Variants in CHSY3 observed in about 807,000 individuals in gnomAD.
CHSY3 encodes N-acetylgalactosaminyl-proteoglycan 3-beta-glucuronosyltransferase 3.
CHSY3 carries 35 observed loss-of-function variants against 67.2 expected under a neutral mutation model. That is an observed-to-expected ratio of 0.52 (90% CI 0.40 to 0.69). The LOEUF (loss-of-function observed/expected upper bound fraction) is 0.69. Among genes scored for constraint, CHSY3 ranks in the 30% least tolerant of loss-of-function variants. The probability of loss-of-function intolerance (pLI) is 0.00; values close to 1 mark genes in which losing one functional copy is unlikely to be tolerated. For missense variants in CHSY3, 1,069 were observed against 1,138.5 expected (o/e 0.94, Z 0.88); for synonymous variants, 474 against 434.7 (o/e 1.09, Z -1.12).
At position 129,905,398 on chromosome 5, in the gene CHSY3, C is replaced by T; in HGVS notation, c.569C>T (p.Ala190Val). The change falls in exon 1 of 3, where the codon GCC (alanine) becomes GTC (valine). Residue 190 changes from alanine (A) to valine (V), a missense_variant. Transcript: ENST00000305031. The part of the protein sequence containing the change: ...AQKYLGSRAL[A>V]AQRTWARFIP... Reference sequence around the variant, plus strand: ...AAGTACCTGGGCAGCCGCGCGCTGGCCGCGCAGCGGACCTGGGCGCGTTTC... The same window carrying T: ...AAGTACCTGGGCAGCCGCGCGCTGGTCGCGCAGCGGACCTGGGCGCGTTTC... 1 of 1,605,680 alleles carries T rather than the reference C, an allele frequency of 6.2e-7. No individual in the cohort carries two copies.
At chr5:130,147,887 G>A (rs1191501311) in intron 2 of CHSY3, among the ~76,000 whole-genome samples, 1 of 152,174 alleles carries the variant, frequency 6.6e-6, no homozygotes, top group African/African-American at 2.4e-5. Flanking sequence ...AAGGGAACAT[G>A]TGCAGGTTTG....
At chr5:130,047,791 A>T (rs1416981198) in intron 2 of CHSY3, among the ~76,000 whole-genome samples, 1 of 152,078 alleles carries the variant, frequency 6.6e-6, no homozygotes, top group African/African-American at 2.4e-5. Context: ...AATCAAATCA[A>T]ATACTATCAT....
rs995334834 is a variant in CHSY3 at position 129,905,647 on chromosome 5, C to A, written c.802+16C>A. 4 of 1,608,926 alleles carry A rather than the reference C, an allele frequency of 2.5e-6. No individual in the cohort carries two copies. The highest frequency in any genetic ancestry group is 3.4e-6 in the Non-Finnish European group (4 of 1,176,988). ...TACATCAAAGGTGACCTCCCTGCGC[C>A]GGCTTTCCAGCCTGCCAGTCTCCCC... On this transcript the variant is annotated intron_variant, in intron 1 of 2. Coordinates refer to ENST00000305031, the MANE Select transcript of CHSY3 (RefSeq NM_175856.5).
At chr5:129,997,557 C>T (rs559989199) in intron 2 of CHSY3, among the ~76,000 whole-genome samples, 17 of 151,860 alleles carry the variant, frequency 1.1e-4, no homozygotes, top group East Asian at 3.9e-4. Context: ...GTGCACAATG[C>T]GCAGGTTTGT....
chr5:130,023,599 A>G (rs1764453493), intron 2 of CHSY3, among the ~76,000 whole-genome samples: 1 of 152,068 alleles, frequency 6.6e-6, no homozygotes, highest in Non-Finnish European at 1.5e-5. Flanking sequence ...AGAGCTAATC[A>G]TTGGGCCTAA....
rs1319148767 is a variant in CHSY3, at chr5:130,143,978, A to C, written c.1087-40251A>C. ...GGAAAAAGTAAATATTAAACTTCAG[A>C]GTGGCAAACTTCAGCTTTACATTGC... On this transcript the variant is annotated intron_variant, in intron 2 of 2. Transcript: ENST00000305031. 4.6e-5 allele frequency among the ~76,000 whole-genome samples: 7 copies of C among 151,120 alleles called. No individual in the cohort carries two copies. The East Asian group carries it at 1.2e-3, about 25-fold the overall frequency.
chr5:129,976,133 G>A (rs1762800996), intron 2 of CHSY3, among the ~76,000 whole-genome samples: 1 of 152,148 alleles, frequency 6.6e-6, no homozygotes, highest in South Asian at 2.1e-4. Context: ...GGTTGAAAAT[G>A]TCTATATCCT....
intron 2 of CHSY3, among the ~76,000 whole-genome samples, chr5:130,058,023 A>C (rs372433651): frequency 3.9e-5 from 6 of 151,972 alleles, no homozygotes; most frequent in East Asian, 1.9e-4. Flanking sequence ...TTGAGTCATC[A>C]TTTCTCTTTT....
chr5:129,965,345 A>G (rs1016152209), intron 2 of CHSY3, among the ~76,000 whole-genome samples: 3 of 151,968 alleles, frequency 2.0e-5, no homozygotes, highest in Admixed American at 6.6e-5. Context: ...CTGTGACACC[A>G]TCACGTATTA....
intron 2 of CHSY3, among the ~76,000 whole-genome samples, chr5:129,934,017 T>C (rs752177973): frequency 2.7e-5 from 4 of 149,294 alleles, no homozygotes; most frequent in African/African-American, 5.2e-5. Context: ...ACAATGCCAC[T>C]TTTAGTTATT....
At chr5:130,177,980 A>G (rs917800898) in intron 2 of CHSY3, among the ~76,000 whole-genome samples, 1 of 150,850 alleles carries the variant, frequency 6.6e-6, no homozygotes, top group African/African-American at 2.4e-5. Flanking sequence ...AGATTTTATT[A>G]CCTTTATTTT....
intron 2 of CHSY3, among the ~76,000 whole-genome samples, chr5:130,135,515 GTTTAA>G (rs1241281729): frequency 6.6e-6 from 1 of 152,030 alleles, no homozygotes; most frequent in Admixed American, 6.6e-5. Flanking sequence ...ATTTTCATTT[GTTTAA>G]TTTAACTTTA....
chr5:130,001,894 A>G, intron 2 of CHSY3: 1 of 920,246 alleles, frequency 1.1e-6, no homozygotes, highest in Non-Finnish European at 1.3e-6. Flanking sequence ...GTAATGGTGG[A>G]AGCTGAAACA....
intron 2 of CHSY3, among the ~76,000 whole-genome samples, chr5:130,112,279 A>G (rs1767614205): frequency 6.6e-6 from 1 of 152,162 alleles, no homozygotes; most frequent in African/African-American, 2.4e-5. Context: ...TTTGTCTAAA[A>G]TAAATGCTCT....
rs1277143859 is a variant in CHSY3 at position 129,979,023 on chromosome 5, C to A, written c.1086+70663C>A. ...ACCATCCTGGCTAACACGGTGAAAC[C>A]CCCTGTCTACTAAAAATACAAAAAA... is the stretch of plus-strand genomic sequence containing the variant. On this transcript the variant is annotated intron_variant, in intron 2 of 2. Coordinates refer to ENST00000305031, the MANE Select transcript of CHSY3 (RefSeq NM_175856.5). 4.6e-5 allele frequency among the ~76,000 whole-genome samples: 7 copies of A among 150,814 alleles called. No homozygotes were observed. In the East Asian group the frequency reaches 9.8e-4, roughly 21 times the overall value.
intron 2 of CHSY3, among the ~76,000 whole-genome samples, chr5:130,089,009 T>C (rs1203450686): frequency 6.6e-6 from 1 of 151,926 alleles, no homozygotes; most frequent in Non-Finnish European, 1.5e-5. Context: ...TAAGAAAATG[T>C]GGCACATATA....
chr5:130,024,049 A>T (rs1391397550), intron 2 of CHSY3, among the ~76,000 whole-genome samples: 1 of 151,434 alleles, frequency 6.6e-6, no homozygotes, highest in Non-Finnish European at 1.5e-5. Context: ...TAAAATATGC[A>T]ATCAATGTAG....
At chr5:130,108,916 T>G (rs1052135244) in intron 2 of CHSY3, among the ~76,000 whole-genome samples, 1 of 151,740 alleles carries the variant, frequency 6.6e-6, no homozygotes, top group Non-Finnish European at 1.5e-5. Context: ...TAATATTTTA[T>G]ATTTTGTATA....
intron 2 of CHSY3, among the ~76,000 whole-genome samples, chr5:130,039,527 A>T (rs1037919758): frequency 1.7e-5 from 2 of 116,306 alleles, no homozygotes; most frequent in Non-Finnish European, 3.9e-5. Flanking sequence ...CAAAACCAAG[A>T]TGATAGATTA....
Sources: allele counts gnomAD v4.1 joint callset (sites outside exome capture counted in the v4.1 genomes callset), GRCh38; gene constraint gnomAD v4.1.1; transcripts MANE v1.5; gene names NCBI Gene and HGNC (gene_info 2026-07-23, HGNC 2026-07-21).